DLST: variants seen among roughly 807,000 people sequenced by gnomAD.
The protein encoded by DLST is dihydrolipoyllysine-residue succinyltransferase component of 2-oxoglutarate dehydrogenase complex, mitochondrial.
Under a neutral mutation model 53.1 loss-of-function variants are expected in DLST, and 17 were observed. The observed-to-expected ratio is 0.32, with a 90% CI of 0.22 to 0.48. The LOEUF is 0.48. Among genes scored for constraint, DLST ranks in the 20% least tolerant of loss-of-function variants. The probability of loss-of-function intolerance (pLI) is 0.99; values close to 1 mark genes in which losing one functional copy is unlikely to be tolerated. For missense variants in DLST, 512 were observed against 583.9 expected (o/e 0.88, Z 1.27); for synonymous variants, 206 against 204.8 (o/e 1.01, Z -0.05).
intron 8 of DLST, 37 bp from the exon 9 acceptor site, chr14:74,893,311 C>T (rs779450595): frequency 4.0e-5 from 64 of 1,611,642 alleles, no homozygotes; most frequent in Non-Finnish European, 5.1e-6. Flanking sequence ...TGTTTCTTTC[C>T]TTGTCTGATG....
chr14:74,898,527 A>G (rs1884143276), intron 11 of DLST, 28 bp downstream of exon 11: 1 of 1,610,784 alleles, frequency 6.2e-7, no homozygotes, highest in African/African-American at 1.3e-5. Flanking sequence ...GGAATTGGAG[A>G]GGTCCTGGGA....
chr14:74,892,876 C>G lies in DLST; in HGVS notation c.485C>G (p.Ala162Gly). The G allele has an allele frequency of 6.2e-7, 1 of 1,613,808 alleles. No individual in the cohort carries two copies. Among genetic ancestry groups the G allele is most frequent in the Non-Finnish European group, 8.5e-7 (1 of 1,179,924 alleles). ...AAGCCGGCTGAAGCTCCTGCTGCTG[C>G]AGCCCCAAAAGCAGAACCTACAGCA... Reference protein sequence around the residue: ...KAKPAEAPAAAAPKAEPTAAA... With the variant: ...KAKPAEAPAAGAPKAEPTAAA... The change falls in exon 8 of 15, where the codon GCA becomes GGA. Residue 162 changes from alanine to glycine, a missense_variant. Ala to Gly is a moderately conservative substitution (Grantham distance 60). Coordinates refer to ENST00000334220, the MANE Select transcript of DLST (RefSeq NM_001933.5).
intron 11 of DLST, among the ~76,000 whole-genome samples, chr14:74,898,912 C>T (rs1358806459): frequency 6.6e-6 from 1 of 152,254 alleles, no homozygotes; most frequent in East Asian, 1.9e-4. Flanking sequence ...CGATGGGCCT[C>T]ACTGGGAGCT....
chr14:74,887,333 T>A (rs559235068), intron 3 of DLST, among the ~76,000 whole-genome samples: 30 of 152,310 alleles, frequency 2.0e-4, no homozygotes, highest in Non-Finnish European at 4.1e-4. Flanking sequence ...ATTTAGAGAT[T>A]CAAAATGTAT....
Position 74,881,959 on chromosome 14 carries a change from G to C in DLST, c.6G>C (p.Leu2=), listed in dbSNP as rs1225727230. M[L]SRSRCVSRAF... Reference sequence around the variant, plus strand: ...CCCTCGGCTCCTCCGCCGTGATGCTGTCCCGATCCCGCTGTGTGTCTCGGG... The same window carrying C: ...CCCTCGGCTCCTCCGCCGTGATGCTCTCCCGATCCCGCTGTGTGTCTCGGG... Residue 2 remains leucine (L), a synonymous_variant, in exon 1 of 15, where the codon CTG becomes CTC. Transcript: ENST00000334220. The C allele has an allele frequency of 1.9e-6, 3 of 1,563,238 alleles. No homozygotes were observed. The highest frequency in any genetic ancestry group is 2.8e-5 in the African/African-American group (2 of 72,612).
intron 2 of DLST, among the ~76,000 whole-genome samples, chr14:74,885,073 A>AGACAAACTTG: frequency 3.3e-5 from 5 of 152,330 alleles, no homozygotes; most frequent in Admixed American, 3.3e-4. Flanking sequence ...GGAGACCCCG[A>AGACAAACTTG]GCCTAAAGTA....
intron 3 of DLST, among the ~76,000 whole-genome samples, chr14:74,886,269 C>G (rs1352027174): frequency 2.6e-5 from 4 of 152,204 alleles, no homozygotes; most frequent in Admixed American, 2.0e-4. Context: ...AGGGAGAATC[C>G]TCAAAGTGAA....
intron 10 of DLST, among the ~76,000 whole-genome samples, chr14:74,896,154 A>T (rs2140199157): frequency 6.6e-6 from 1 of 152,334 alleles, no homozygotes; most frequent in East Asian, 1.9e-4. Flanking sequence ...ATTCCTGGCC[A>T]AAAAAGAATT....
intron 3 of DLST, among the ~76,000 whole-genome samples, chr14:74,887,272 T>C (rs1883737335): frequency 6.6e-6 from 1 of 152,204 alleles, no homozygotes. Flanking sequence ...TATGATCCCA[T>C]TGTAAGTATT....
intron 6 of DLST, among the ~76,000 whole-genome samples, chr14:74,890,664 TGC>T (rs1380608559): frequency 6.6e-6 from 1 of 152,252 alleles, no homozygotes; most frequent in Non-Finnish European, 1.5e-5. Flanking sequence ...GATGTTTGTG[TGC>T]AAGGCCTTAT....
At chr14:74,899,798 A>G in intron 11 of DLST, 125 bp from the exon 12 acceptor site, 2 of 683,472 alleles carry the variant, frequency 2.9e-6, no homozygotes, top group Non-Finnish European at 5.2e-6. Flanking sequence ...AGTGGTGTTC[A>G]TGGTGGTTGG....
chr14:74,891,262 C>G (rs1193892999), intron 7 of DLST, 95 bp downstream of exon 7: 2 of 1,561,082 alleles, frequency 1.3e-6, no homozygotes, highest in African/African-American at 2.7e-5. Context: ...GTCAAAGACT[C>G]TTGTCATTCC....
rs756021637 is a variant in DLST at position 74,898,491 on chromosome 14, T to C, written c.893T>C (p.Val298Ala). The change falls in exon 11 of 15, where the codon GTA becomes GCA. Residue 298 changes from valine to alanine, a missense_variant. Around this residue, in one of 4 missense-constraint regions of DLST, gnomAD observed 186 missense variants for 260.4 expected, o/e 0.71. Transcript: ENST00000334220. ...SAFALQEQPV[V>A]NAVIDDTTKE... Reference sequence around the variant, plus strand: ...TTTGCCTTGCAGGAACAGCCTGTTGTAAATGCAGGTGAGTTGCTTGTGGCT... The same window carrying C: ...TTTGCCTTGCAGGAACAGCCTGTTGCAAATGCAGGTGAGTTGCTTGTGGCT... 3 of 1,614,034 alleles carry C rather than the reference T, an allele frequency of 1.9e-6. No individual in the cohort carries two copies. Among genetic ancestry groups the C allele is most frequent in the South Asian group, 2.2e-5 (2 of 91,078 alleles).
chr14:74,901,844 ATT>A (rs11325303), intron 14 of DLST, among the ~76,000 whole-genome samples: 1,529 of 147,148 alleles, frequency 0.01, 14 homozygotes, highest in Middle Eastern at 0.045. Flanking sequence ...CCCTGGCTTA[ATT>A]TTTTTTTTTT....
At chr14:74,888,091 G>C (rs1056838632) in intron 3 of DLST, among the ~76,000 whole-genome samples, 1 of 152,072 alleles carries the variant, frequency 6.6e-6, no homozygotes, top group Non-Finnish European at 1.5e-5. Context: ...TAATGGCTTT[G>C]TGCATACAGG....
intron 10 of DLST, 91 bp downstream of exon 10, chr14:74,894,500 C>CT: frequency 3.8e-6 from 5 of 1,299,798 alleles, no homozygotes; most frequent in Non-Finnish European, 5.3e-6. Context: ...GATTCTAAAA[C>CT]TAACTTGTCA....
At chr14:74,886,611 C>T (rs937360873) in intron 3 of DLST, among the ~76,000 whole-genome samples, 3 of 152,118 alleles carry the variant, frequency 2.0e-5, no homozygotes, top group South Asian at 2.1e-4. Context: ...AGGATACAGG[C>T]GTGAGCTATG....
At position 74,885,663 on chromosome 14, in the gene DLST, T is replaced by C. The variant is rs1452424888; in HGVS notation, c.146+29T>C. The C allele has an allele frequency of 3.2e-6, 5 of 1,575,648 alleles. No individual in the cohort carries two copies. The African/African-American group carries it at 6.9e-5, about 22-fold the overall frequency. Reference sequence around the variant, plus strand: ...AGTATCACTGGGGAGTACAGATATGTGGCCACGGGTTATTTATTTAAAGAC... The same window carrying C: ...AGTATCACTGGGGAGTACAGATATGCGGCCACGGGTTATTTATTTAAAGAC... On this transcript the variant is annotated intron_variant, in intron 3 of 14. Coordinates refer to ENST00000334220, the MANE Select transcript of DLST (RefSeq NM_001933.5).
chr14:74,881,934 C>A lies in DLST; in HGVS notation c.-20C>A. On this transcript the variant is annotated 5_prime_UTR_variant, in exon 1 of 15. Transcript: ENST00000334220. ...CGGCCCTATATCCGGTGTCCGCCCG[C>A]CCTCGGCTCCTCCGCCGTGATGCTG... 2 of 1,533,150 alleles carry A rather than the reference C, an allele frequency of 1.3e-6. No homozygotes were observed. The highest frequency in any genetic ancestry group is 1.9e-5 in the Admixed American group (1 of 52,000). 95.0% of individuals were successfully genotyped at this position (1,533,150 alleles called of 1,614,324 possible).
Sources: allele counts gnomAD v4.1 joint callset (sites outside exome capture counted in the v4.1 genomes callset), GRCh38; gene constraint gnomAD v4.1.1; regional missense constraint gnomAD v4.1.1; transcripts MANE v1.5; gene names NCBI Gene and HGNC (gene_info 2026-07-23, HGNC 2026-07-21).